TLK1: variants seen among roughly 807,000 people sequenced by gnomAD.
The protein encoded by TLK1 is tousled like kinase 1.
Under a neutral mutation model 105.3 loss-of-function variants are expected in TLK1, and 24 were observed. The observed-to-expected ratio is 0.23, with a 90% CI of 0.17 to 0.32. The LOEUF is 0.32. Among genes scored for constraint, TLK1 ranks in the 10% least tolerant of loss-of-function variants. The pLI, the probability that TLK1 is intolerant of heterozygous loss-of-function variation, is 1.00. For synonymous variants in TLK1, 321 were observed against 310.4 expected, an observed-to-expected ratio of 1.03 and a Z score of -0.36; for missense variants, 558 against 910.5, an observed-to-expected ratio of 0.61 and a Z score of 4.98.
chr2:171,076,077 C>T (rs1231199592), intron 3 of TLK1, among the ~76,000 whole-genome samples: 1 of 151,996 alleles, frequency 6.6e-6, no homozygotes, highest in Non-Finnish European at 1.5e-5. Flanking sequence ...ACTTAGCCAG[C>T]CATGGTGGCG....
At chr2:171,039,081 T>A (rs1686522656) in intron 11 of TLK1, among the ~76,000 whole-genome samples, 1 of 152,166 alleles carries the variant, frequency 6.6e-6, no homozygotes, top group Non-Finnish European at 1.5e-5. Flanking sequence ...TCTAATAATT[T>A]TTTTTGTCTT....
chr2:171,035,727 C>T (rs1184161586), intron 11 of TLK1, among the ~76,000 whole-genome samples: 1 of 152,080 alleles, frequency 6.6e-6, no homozygotes, highest in Non-Finnish European at 1.5e-5. Flanking sequence ...CTGCATTACC[C>T]ATGTGTGCCC....
chr2:171,230,024 A>G, intron 1 of TLK1, among the ~76,000 whole-genome samples: 1 of 150,868 alleles, frequency 6.6e-6, no homozygotes, highest in African/African-American at 2.4e-5. Flanking sequence ...AATGCAAATT[A>G]CAGTAAAAAA....
chr2:171,226,981 G>C (rs535079013), intron 1 of TLK1, among the ~76,000 whole-genome samples: 1 of 152,214 alleles, frequency 6.6e-6, no homozygotes, highest in Admixed American at 6.5e-5. Context: ...GCTACCATGA[G>C]GTAGATACAA....
At chr2:171,031,053 C>T (rs1686020390) in intron 11 of TLK1, among the ~76,000 whole-genome samples, 1 of 151,160 alleles carries the variant, frequency 6.6e-6, no homozygotes, top group Non-Finnish European at 1.5e-5. Flanking sequence ...GTTATAAATA[C>T]TCTCCCCAGA....
At chr2:171,107,046 T>C (rs1177703979) in intron 2 of TLK1, among the ~76,000 whole-genome samples, 1 of 152,182 alleles carries the variant, frequency 6.6e-6, no homozygotes, top group Non-Finnish European at 1.5e-5. Context: ...TCTACAACAA[T>C]TCCATTTACC....
intron 8 of TLK1, among the ~76,000 whole-genome samples, chr2:171,052,268 G>GA (rs890843455): frequency 6.6e-6 from 1 of 151,404 alleles, no homozygotes; most frequent in African/African-American, 2.4e-5. Context: ...CTTAGCGGGG[G>GA]AAAAAAAAGA....
intron 3 of TLK1, among the ~76,000 whole-genome samples, chr2:171,076,479 T>C (rs1207868368): frequency 3.3e-5 from 5 of 151,970 alleles, no homozygotes; most frequent in South Asian, 2.1e-4. Flanking sequence ...TCATTATAAA[T>C]TGCCCAGTCT....
chr2:171,172,587 T>C (rs1030426765), intron 1 of TLK1, among the ~76,000 whole-genome samples: 19 of 151,860 alleles, frequency 1.3e-4, no homozygotes, highest in Admixed American at 3.3e-4. Flanking sequence ...ATCATGGGGG[T>C]GAATTTTCTC....
chr2:171,117,407 A>G (rs1294463287), intron 2 of TLK1, among the ~76,000 whole-genome samples: 4 of 152,162 alleles, frequency 2.6e-5, no homozygotes, highest in Non-Finnish European at 4.4e-5. Flanking sequence ...ATACACTATT[A>G]AAGTTTTATG....
intron 1 of TLK1, among the ~76,000 whole-genome samples, chr2:171,205,966 T>G (rs931538016): frequency 1.3e-5 from 2 of 152,182 alleles, no homozygotes; most frequent in Admixed American, 6.5e-5. Context: ...TCTCCCATAT[T>G]TTTTTCCAAT....
intron 8 of TLK1, 54 bp from the exon 9 acceptor site, chr2:171,050,228 T>C: frequency 8.0e-7 from 1 of 1,256,222 alleles, no homozygotes; most frequent in Non-Finnish European, 1.1e-6. Flanking sequence ...ATGAAAAGCT[T>C]AGAAATAGTT....
At chr2:171,185,107 G>A (rs1442971345) in intron 1 of TLK1, among the ~76,000 whole-genome samples, 1 of 152,010 alleles carries the variant, frequency 6.6e-6, no homozygotes, top group African/African-American at 2.4e-5. Context: ...CCAAAGTGCT[G>A]GGATTACAGG....
chr2:171,164,098 A>G (rs1032892200), upstream of TLK1, among the ~76,000 whole-genome samples: 10 of 152,222 alleles, frequency 6.6e-5, no homozygotes, highest in African/African-American at 1.2e-4. Context: ...CAGCATATAC[A>G]TGATCAACTT....
At chr2:171,186,930 T>A (rs538853582) in intron 1 of TLK1, among the ~76,000 whole-genome samples, 1 of 151,526 alleles carries the variant, frequency 6.6e-6, no homozygotes, top group African/African-American at 2.4e-5. Context: ...TGGTGGCGGT[T>A]GCCTGTAATC....
Position 171,160,188 on chromosome 2 carries a change from C to G in TLK1, c.139+102G>C. ...TCGCCACCATCCCCCACCCCAGGGT[C>G]TGGCGGAGAAGCCCCGGGGCGGGGG... On this transcript the variant is annotated intron_variant, in intron 1 of 20. Coordinates refer to ENST00000431350, the MANE Select transcript of TLK1 (RefSeq NM_012290.5). This position sits in a 1 kb window ranked among gnomAD's most constrained non-coding sequence, Gnocchi z 4.4. 8.3e-7 allele frequency: 1 copy of G among 1,205,204 alleles called. No homozygotes were observed. 74.7% of individuals were successfully genotyped at this position (1,205,204 alleles called of 1,614,324 possible). A position where few individuals can be genotyped will look rare whatever the true frequency, so the allele number is the denominator to read the frequency against.
intron 1 of TLK1, among the ~76,000 whole-genome samples, chr2:171,149,450 A>C (rs1691942365): frequency 6.6e-6 from 1 of 152,196 alleles, no homozygotes; most frequent in African/African-American, 2.4e-5. Context: ...ATGTTATATT[A>C]ACTTGTTATG....
chr2:171,020,754 C>T (rs1220600645), intron 12 of TLK1, among the ~76,000 whole-genome samples: 3 of 151,954 alleles, frequency 2.0e-5, no homozygotes, highest in Non-Finnish European at 4.4e-5. Flanking sequence ...AAAATAACCA[C>T]CTAGACAAAG....
chr2:171,163,744 C>CTTT (rs879896490), upstream of TLK1, among the ~76,000 whole-genome samples: 1 of 146,312 alleles, frequency 6.8e-6, no homozygotes, highest in South Asian at 2.2e-4. Flanking sequence ...ATTCATAGTA[C>CTTT]TTTTTTTTTT....
Sources: allele counts gnomAD v4.1 joint callset (sites outside exome capture counted in the v4.1 genomes callset), GRCh38; gene constraint gnomAD v4.1.1; non-coding constraint Gnocchi (gnomAD v3.1); transcripts MANE v1.5; gene names NCBI Gene and HGNC (gene_info 2026-07-23, HGNC 2026-07-21).